The following CRBN variants were observed in gnomAD, a reference collection of about 807,000 sequenced individuals.
The protein encoded by CRBN is cereblon.
Under a neutral mutation model 62.2 loss-of-function variants are expected in CRBN, and 53 were observed. The observed-to-expected ratio is 0.85, with a 90% CI of 0.68 to 1.07. The LOEUF (loss-of-function observed/expected upper bound fraction) is 1.07, where lower values mean the gene tolerates loss of function less well. Among genes scored for constraint, CRBN ranks in the 50% least tolerant of loss-of-function variants. The probability of loss-of-function intolerance (pLI) is 0.00; values close to 1 mark genes in which losing one functional copy is unlikely to be tolerated. For missense variants in CRBN, 616 were observed against 531.1 expected, an observed-to-expected ratio of 1.16 and a Z score of -1.57; for synonymous variants, 208 against 176.1, an observed-to-expected ratio of 1.18 and a Z score of -1.43.
chr3:3,172,660 G>A (rs1707668410), intron 4 of CRBN, 116 bp downstream of exon 4: 1 of 1,070,058 alleles, frequency 9.3e-7, no homozygotes, highest in African/African-American at 1.6e-5. Flanking sequence ...AGAAGGGAAA[G>A]AGAACAACTA....
chr3:3,149,646 A>AAATT (rs1706342668), downstream of CRBN: 1 of 152,056 alleles, frequency 6.6e-6, no homozygotes, highest in South Asian at 2.1e-4. Flanking sequence ...CACAAACCCA[A>AAATT]AATTATTAAA....
chr3:3,174,248 T>C lies in CRBN; in HGVS notation c.188A>G (p.Asp63Gly). The C allele has an allele frequency of 6.2e-7, 1 of 1,613,364 alleles. No individual in the cohort carries two copies. The highest frequency in any genetic ancestry group is 8.5e-7 in the Non-Finnish European group (1 of 1,179,326). ...LPTSHTYLGA[D>G]MEEFHGRTLH... is the part of the protein sequence containing the mutation. ...AGTCCTGCCATGAAATTCTTCCATA[T>C]CAGCACCTAGGTACTATATAAAAAC... The change falls in exon 3 of 11, where the codon GAT becomes GGT. Residue 63 changes from aspartate to glycine, a missense_variant. By Grantham distance (94) the Asp-to-Gly change is moderately conservative. Transcript: ENST00000231948.
chr3:3,176,667 T>C (rs1258032046), intron 1 of CRBN, among the ~76,000 whole-genome samples: 3 of 152,030 alleles, frequency 2.0e-5, no homozygotes, highest in Admixed American at 6.5e-5. Flanking sequence ...ACCCAGGAGG[T>C]GGAGGTTGCA....
chr3:3,169,792 ATCT>A (rs1423406754), intron 4 of CRBN, among the ~76,000 whole-genome samples: 1 of 152,120 alleles, frequency 6.6e-6, no homozygotes, highest in African/African-American at 2.4e-5. Context: ...CAGGTAAGAG[ATCT>A]TCTCTTGTGA....
chr3:3,168,218 A>T (rs909156788), intron 4 of CRBN, among the ~76,000 whole-genome samples: 2 of 151,810 alleles, frequency 1.3e-5, no homozygotes, highest in Admixed American at 6.6e-5. Context: ...ATCCTTTCTC[A>T]TAAGTCATCT....
intron 5 of CRBN, among the ~76,000 whole-genome samples, chr3:3,160,959 T>G (rs990160536): frequency 7.2e-5 from 11 of 152,092 alleles, no homozygotes; most frequent in Admixed American, 1.3e-4. Context: ...AAAGTGGAAT[T>G]TATATCAGGA....
chr3:3,173,926 A>G, intron 3 of CRBN, 133 bp downstream of exon 3: 2 of 790,054 alleles, frequency 2.5e-6, no homozygotes, highest in Admixed American at 2.0e-5. Context: ...CTACTTAACC[A>G]AATTCCTAAC....
At chr3:3,164,159 G>A (rs1707240052) in intron 5 of CRBN, among the ~76,000 whole-genome samples, 1 of 152,120 alleles carries the variant, frequency 6.6e-6, no homozygotes, top group South Asian at 2.1e-4. Context: ...TTGAAACTAG[G>A]CTAATTAATA....
At chr3:3,160,862 C>A (rs1707111778) in intron 5 of CRBN, among the ~76,000 whole-genome samples, 2 of 152,122 alleles carry the variant, frequency 1.3e-5, no homozygotes, top group Non-Finnish European at 2.9e-5. Context: ...TGGTCTGTGA[C>A]AATGGTGGCA....
rs376744026 is a variant in CRBN at position 3,174,044 on chromosome 3, A to G, written c.377+15T>C. Reference sequence around the variant, plus strand: ...GAGAGGGAATGTATTAAGCAAATGGACTCTAATATTTTACCTGTATGCAAG... The same window carrying G: ...GAGAGGGAATGTATTAAGCAAATGGGCTCTAATATTTTACCTGTATGCAAG... On this transcript the variant is annotated intron_variant, in intron 3 of 10. Transcript: ENST00000231948. 1 of 1,604,322 alleles carries G rather than the reference A, an allele frequency of 6.2e-7. No homozygotes were observed. Among genetic ancestry groups the G allele is most frequent in the Non-Finnish European group, 8.5e-7 (1 of 1,171,240 alleles).
chr3:3,153,548 A>T (rs2126053239), intron 8 of CRBN, 60 bp from the exon 9 acceptor site: 2 of 888,614 alleles, frequency 2.3e-6, no homozygotes, highest in South Asian at 1.3e-5. Context: ...TTATCATGTA[A>T]TCACATAGAT....
Position 3,156,314 on chromosome 3 carries a change from C to T in CRBN, c.688-33G>A, listed in dbSNP as rs780403668. On this transcript the variant is annotated intron_variant, in intron 5 of 10. Coordinates refer to ENST00000231948, the MANE Select transcript of CRBN (RefSeq NM_016302.4). The stretch of plus-strand genomic sequence containing the variant: ...CAAAACAAAAAGGCACTTAAAAAAC[C>T]CCACAGAATAAAGATTCTAATGCTG... 3 of 1,580,494 alleles carry T rather than the reference C, an allele frequency of 1.9e-6. No individual in the cohort carries two copies. The South Asian group carries it at 3.3e-5, about 18-fold the overall frequency.
Position 3,152,488 on chromosome 3 carries a change from G to A in CRBN, c.1116C>T (p.Gly372=). Residue 372 remains glycine (G), a synonymous_variant, in exon 10 of 11, where the codon GGC becomes GGT. Coordinates refer to ENST00000231948, the MANE Select transcript of CRBN (RefSeq NM_016302.4). ...ACCAGCTGTGTTCTGTAGAAGGCCG[G>A]CCTATCAGATTCAAGTTGCAAGCCT... The part of the protein sequence containing the change: ...VYKACNLNLI[G]RPSTEHSWFP... The A allele has an allele frequency of 1.9e-6, 3 of 1,613,818 alleles. No homozygotes were observed. The highest frequency in any genetic ancestry group is 2.5e-6 in the Non-Finnish European group (3 of 1,179,970).
intron 10 of CRBN, 68 bp from the exon 11 acceptor site, chr3:3,151,113 A>G (rs1282102087): frequency 2.6e-6 from 4 of 1,538,906 alleles, no homozygotes; most frequent in Non-Finnish European, 3.6e-6. Context: ...ATATAAACCT[A>G]TCATGAAGAC....
rs1042678221 is a variant in CRBN at position 3,151,476 on chromosome 3, G to C, written c.1149-431C>G. Among the ~76,000 whole-genome samples, 4 of 140,852 alleles carry C rather than the reference G, an allele frequency of 2.8e-5. No individual in the cohort carries two copies. In the Admixed American group the frequency reaches 3.0e-4, roughly 10 times the overall value. The allele number at this position is 140,852 out of a possible 152,430, so 92.4% of individuals were successfully genotyped here. On this transcript the variant is annotated intron_variant, in intron 10 of 10. Transcript: ENST00000231948. The stretch of plus-strand genomic sequence containing the variant: ...TGAGTTAAACTGGATGGGCCAGGAA[G>C]GACACGTCTCAAAAAGTAAATATTT...
chr3:3,172,662 GAAC>G, intron 4 of CRBN, 111 bp downstream of exon 4: 2 of 1,089,086 alleles, frequency 1.8e-6, no homozygotes, highest in Non-Finnish European at 2.8e-6. Context: ...AAGGGAAAGA[GAAC>G]AACTAGTTAA....
At chr3:3,162,065 C>T (rs1341181396) in intron 5 of CRBN, among the ~76,000 whole-genome samples, 1 of 152,216 alleles carries the variant, frequency 6.6e-6, no homozygotes, top group Non-Finnish European at 1.5e-5. Context: ...CAAATTCATG[C>T]TCAGTTCCTC....
At position 3,154,165 on chromosome 3, in the gene CRBN, C is replaced by T. The variant is rs1276013578; in HGVS notation, c.836-90G>A. 75 of 783,670 alleles carry T rather than the reference C, an allele frequency of 9.6e-5. 1 individual carries two copies. Among genetic ancestry groups the T allele is most frequent in the South Asian group, 9.5e-4 (68 of 71,632 alleles). 48.5% of individuals were successfully genotyped at this position (783,670 alleles called of 1,614,324 possible). On this transcript the variant is annotated intron_variant, in intron 7 of 10. Coordinates refer to ENST00000231948, the MANE Select transcript of CRBN (RefSeq NM_016302.4). The stretch of plus-strand genomic sequence containing the variant: ...TCGGATAATATCCTTTTGAAATAAA[C>T]CCTTCTCTTTAAGGTTACACATTTT...
chr3:3,173,124 C>A (rs1206269951), intron 3 of CRBN, among the ~76,000 whole-genome samples, 199 bp from the exon 4 acceptor site: 1 of 152,160 alleles, frequency 6.6e-6, no homozygotes, highest in Non-Finnish European at 1.5e-5. Context: ...GTGGCATGAG[C>A]TCGGCTTGCT....
Sources: gnomAD v4.1 joint callset for allele counts (sites outside exome capture counted in the v4.1 genomes callset) on GRCh38, gnomAD v4.1.1 for gene constraint, MANE v1.5 for transcripts, NCBI Gene and HGNC (gene_info 2026-07-23, HGNC 2026-07-21) for gene names.